ATP6V0A1: variants seen among roughly 807,000 people sequenced by gnomAD.
ATP6V0A1 encodes V-type proton ATPase 116 kDa subunit a 1.
ATP6V0A1 carries 43 observed loss-of-function variants against 105.4 expected under a neutral mutation model. That is an observed-to-expected ratio of 0.41 (90% CI 0.32 to 0.53). ATP6V0A1 has a LOEUF of 0.53. Ranked by LOEUF, ATP6V0A1 falls within the 20% of genes least tolerant of loss-of-function variation. The probability of loss-of-function intolerance (pLI) is 0.30; values close to 1 mark genes in which losing one functional copy is unlikely to be tolerated. For missense variants in ATP6V0A1, 676 were observed against 1,051.1 expected (o/e 0.64, Z 4.93); for synonymous variants, 362 against 372.8 (o/e 0.97, Z 0.33).
chr17:42,460,040 G>GT (rs1164820834), intron 1 of ATP6V0A1: 2 of 152,204 alleles, frequency 1.3e-5, no homozygotes, highest in African/African-American at 2.4e-5. Flanking sequence ...CCCGGCAACA[G>GT]TAAGACAGCA....
chr17:42,516,356 A>G (rs2092625315), intron 21 of ATP6V0A1, among the ~76,000 whole-genome samples: 1 of 152,074 alleles, frequency 6.6e-6, no homozygotes, highest in Non-Finnish European at 1.5e-5. Flanking sequence ...CTCTTCTTCA[A>G]AAGCCCTGCT....
At chr17:42,510,136 C>G (rs1394673731) in intron 19 of ATP6V0A1, 1 of 152,226 alleles carries the variant, frequency 6.6e-6, no homozygotes, top group Non-Finnish European at 1.5e-5. Context: ...CAGAGCCAGG[C>G]CAGTGGTTGT....
chr17:42,488,113 C>T (rs1598881307), intron 10 of ATP6V0A1, among the ~76,000 whole-genome samples: 2 of 152,240 alleles, frequency 1.3e-5, no homozygotes, highest in East Asian at 1.9e-4. Context: ...AACATGCCCT[C>T]GAGTATCTTA....
At chr17:42,479,912 G>C (rs1207474272) in intron 7 of ATP6V0A1, among the ~76,000 whole-genome samples, 2 of 152,148 alleles carry the variant, frequency 1.3e-5, no homozygotes, top group East Asian at 3.8e-4. Context: ...AACAGAGCAG[G>C]CTGCACAAAG....
intron 17 of ATP6V0A1, among the ~76,000 whole-genome samples, chr17:42,501,692 C>T (rs1390463631): frequency 1.3e-5 from 2 of 150,968 alleles, no homozygotes; most frequent in African/African-American, 4.9e-5. Context: ...GGATTACAAG[C>T]GTGAGCCACC....
chr17:42,517,960 G>C (rs867561862), intron 21 of ATP6V0A1: 1 of 152,238 alleles, frequency 6.6e-6, no homozygotes, highest in African/African-American at 2.4e-5. Context: ...TCATAGGAAG[G>C]GGGGTGATGT....
chr17:42,478,793 T>C (rs1459753414), intron 7 of ATP6V0A1: 1 of 334,544 alleles, frequency 3.0e-6, no homozygotes, highest in Non-Finnish European at 5.0e-6. Context: ...ACATGACATA[T>C]ACATATTTTC....
Position 42,470,092 on chromosome 17 carries a change from C to T in ATP6V0A1, c.297C>T (p.Ala99=), listed in dbSNP as rs1172923177. The stretch of plus-strand genomic sequence containing the variant: ...ATATATTTTCTTATTTCATCTAGGC[C>T]AATTTTGAGAAGATTGAAAATGAAC... ...PFPRDMIDLE[A]NFEKIENELK... Residue 99 remains alanine, a splice_region_variant and synonymous_variant, in exon 5 of 22, where the codon GCC becomes GCT. Coordinates refer to ENST00000343619, the MANE Select transcript of ATP6V0A1 (RefSeq NM_001130021.3). 1.2e-6 allele frequency: 2 copies of T among 1,601,010 alleles called. No homozygotes were observed. The highest frequency in any genetic ancestry group is 2.2e-5 in the South Asian group (2 of 89,546).
chr17:42,503,642 C>G (rs2091845051), intron 17 of ATP6V0A1, among the ~76,000 whole-genome samples: 1 of 152,186 alleles, frequency 6.6e-6, no homozygotes, highest in East Asian at 1.9e-4. Flanking sequence ...AAAAGTCTCA[C>G]CAGTAGTGAT....
At position 42,490,639 on chromosome 17, in the gene ATP6V0A1, TAA is replaced by T; in HGVS notation, c.1174+9_1174+10del. ...GAACTTACCGAGAGATAAATCCAGG[TAA>T]AAAAAAGCTTGTTATCTTTTTCCTC... On this transcript the variant is annotated splice_donor_region_variant and intron_variant, in intron 11 of 21. Coordinates refer to ENST00000343619, the MANE Select transcript of ATP6V0A1 (RefSeq NM_001130021.3). 1 of 1,579,102 alleles carries T rather than the reference TAA, an allele frequency of 6.3e-7. No individual in the cohort carries two copies.
chr17:42,476,159 A>C (rs750944901), intron 5 of ATP6V0A1, among the ~76,000 whole-genome samples: 19 of 152,346 alleles, frequency 1.2e-4, no homozygotes, highest in South Asian at 8.3e-4. Context: ...CTCAACTTAC[A>C]TGTAACAGCC....
At chr17:42,498,094 T>C (rs1248523440) in intron 14 of ATP6V0A1, among the ~76,000 whole-genome samples, 1 of 151,806 alleles carries the variant, frequency 6.6e-6, no homozygotes, top group Admixed American at 6.6e-5. Context: ...CTACTAAAAA[T>C]ACAAAATTAG....
intron 21 of ATP6V0A1, among the ~76,000 whole-genome samples, chr17:42,515,256 C>T (rs1387307433): frequency 6.6e-6 from 1 of 150,478 alleles, no homozygotes; most frequent in African/African-American, 2.4e-5. Flanking sequence ...CACCTGAGGT[C>T]AGGAATTCGA....
chr17:42,505,522 G>T (rs141865395), intron 17 of ATP6V0A1, among the ~76,000 whole-genome samples: 10,112 of 149,026 alleles, frequency 0.068, 375 homozygotes, highest in East Asian at 0.13. Context: ...GGATTTTTAG[G>T]AGAGACGGGG....
chr17:42,509,670 A>G (rs2092249615), intron 19 of ATP6V0A1: 1 of 152,248 alleles, frequency 6.6e-6, no homozygotes, highest in African/African-American at 2.4e-5. Context: ...TCCCTGGCTC[A>G]CTACCTCCAA....
intron 4 of ATP6V0A1, among the ~76,000 whole-genome samples, chr17:42,469,392 G>C (rs186677676): frequency 1.4e-5 from 2 of 142,170 alleles, no homozygotes; most frequent in Non-Finnish European, 3.0e-5. Context: ...GTGCAGTGGT[G>C]CGATCTTGGC....
At position 42,501,013 on chromosome 17, in the gene ATP6V0A1, C is replaced by T. The variant is rs188408744; in HGVS notation, c.1896+90C>T. 71 of 1,376,070 alleles carry T rather than the reference C, an allele frequency of 5.2e-5. 2 individuals are homozygous for T. The Admixed American group carries it at 1.0e-3, about 20-fold the overall frequency. The allele number at this position is 1,376,070 out of a possible 1,614,324, so 85.2% of individuals were successfully genotyped here. ...CTGACCCTAAAAAATTTATAACTGC[C>T]CTTCTATGGGACAATTCTAGGGCTT... is the stretch of plus-strand genomic sequence containing the variant. On this transcript the variant is annotated intron_variant, in intron 16 of 21. Transcript: ENST00000343619.
At chr17:42,481,579 C>T (rs1160215489) in intron 8 of ATP6V0A1, among the ~76,000 whole-genome samples, 3 of 152,084 alleles carry the variant, frequency 2.0e-5, no homozygotes, top group Non-Finnish European at 2.9e-5. Flanking sequence ...TACAATGGCT[C>T]ATGCCTGTAA....
At chr17:42,462,508 C>T (rs982478663) in intron 2 of ATP6V0A1, among the ~76,000 whole-genome samples, 5 of 152,074 alleles carry the variant, frequency 3.3e-5, no homozygotes, top group Admixed American at 6.5e-5. Flanking sequence ...CAGCCTCCGC[C>T]TCCCAGGTTC....
Sources: gnomAD v4.1 joint callset for allele counts (sites outside exome capture counted in the v4.1 genomes callset) on GRCh38, gnomAD v4.1.1 for gene constraint, MANE v1.5 for transcripts, NCBI Gene and HGNC (gene_info 2026-07-23, HGNC 2026-07-21) for gene names.